DNAH7: variants seen among roughly 807,000 people sequenced by gnomAD.
DNAH7 encodes dynein axonemal heavy chain 7, also known as axonemal beta dynein heavy chain 7.
In DNAH7, 397 loss-of-function variants were observed where a neutral mutation model predicts 444.6. The observed-to-expected ratio is 0.89, with a 90% CI of 0.82 to 0.97. The LOEUF is 0.97. DNAH7 is among the 50% of genes least tolerant of loss of function. The pLI is 0.00. For synonymous variants in DNAH7, 1,636 were observed against 1,624.4 expected (o/e 1.01, Z -0.17); for missense variants, 4,902 against 4,800.8 (o/e 1.02, Z -0.62).
At chr2:195,888,219 C>G in intron 33 of DNAH7, 39 bp downstream of exon 33, 1 of 1,523,618 alleles carries the variant, frequency 6.6e-7, no homozygotes, top group Non-Finnish European at 8.9e-7. Flanking sequence ...TTTGAGTTTT[C>G]CATTTATTTT....
At chr2:196,005,589 T>C (rs2097536214) in intron 10 of DNAH7, among the ~76,000 whole-genome samples, 1 of 151,962 alleles carries the variant, frequency 6.6e-6, no homozygotes, top group Admixed American at 6.5e-5. Context: ...TACAATTGTT[T>C]GCCAACAAAT....
chr2:195,827,503 A>C (rs1280679388), intron 48 of DNAH7, among the ~76,000 whole-genome samples: 3 of 152,096 alleles, frequency 2.0e-5, no homozygotes, highest in African/African-American at 7.2e-5. Flanking sequence ...GCTGCTCTTA[A>C]ACTCCTGAGC....
intron 61 of DNAH7, among the ~76,000 whole-genome samples, chr2:195,765,904 A>G (rs899597934): frequency 2.0e-5 from 3 of 152,142 alleles, no homozygotes; most frequent in Non-Finnish European, 2.9e-5. Flanking sequence ...AAATCAGTAT[A>G]TTGAAGATAT....
chr2:195,856,843 C>A (rs1414768674), intron 44 of DNAH7, among the ~76,000 whole-genome samples: 1 of 152,050 alleles, frequency 6.6e-6, no homozygotes, highest in Non-Finnish European at 1.5e-5. Context: ...TTTTAATATA[C>A]TTTAATTAAA....
intron 12 of DNAH7, among the ~76,000 whole-genome samples, chr2:195,992,651 T>A (rs898390544): frequency 7.9e-5 from 12 of 152,230 alleles, no homozygotes; most frequent in African/African-American, 2.9e-4. Flanking sequence ...TTGTTCTTTA[T>A]CTGACTCCCT....
chr2:195,884,346 T>C (rs341948), intron 35 of DNAH7, among the ~76,000 whole-genome samples: 2,223 of 152,310 alleles, frequency 0.015, 44 homozygotes, highest in East Asian at 0.067. Context: ...CATAGTATCA[T>C]TGGAAAGAAC....
chr2:196,046,427 T>A lies in DNAH7; in HGVS notation c.398+925A>T, dbSNP rs1364538005. 2.6e-5 allele frequency among the ~76,000 whole-genome samples: 4 copies of A among 151,680 alleles called. No individual in the cohort carries two copies. The East Asian group carries it at 7.7e-4, about 29-fold the overall frequency. The stretch of plus-strand genomic sequence containing the variant: ...TATCTTTCTTGGGCAGGGCTCCAGG[T>A]AGAAAAAAAAAAATTCTTCTAAAAA... On this transcript the variant is annotated intron_variant, in intron 5 of 64. Coordinates refer to ENST00000312428, the MANE Select transcript of DNAH7 (RefSeq NM_018897.3).
chr2:195,916,289 G>T (rs977838854), intron 24 of DNAH7, among the ~76,000 whole-genome samples: 2 of 152,110 alleles, frequency 1.3e-5, no homozygotes, highest in African/African-American at 4.8e-5. Flanking sequence ...TTGAAAAATT[G>T]GACTCATAAA....
At chr2:195,962,937 T>C (rs1691208972) in intron 17 of DNAH7, among the ~76,000 whole-genome samples, 1 of 152,214 alleles carries the variant, frequency 6.6e-6, no homozygotes, top group Non-Finnish European at 1.5e-5. Flanking sequence ...TTGTTGCAAA[T>C]GACAGAATCG....
chr2:195,777,281 G>A (rs1695108111), intron 59 of DNAH7, among the ~76,000 whole-genome samples: 1 of 152,164 alleles, frequency 6.6e-6, no homozygotes, highest in South Asian at 2.1e-4. Flanking sequence ...TGTGCTGCAG[G>A]TGGGTCTGTG....
chr2:195,953,380 G>A (rs572082551), intron 19 of DNAH7, among the ~76,000 whole-genome samples: 2 of 152,294 alleles, frequency 1.3e-5, no homozygotes, highest in South Asian at 4.2e-4. Context: ...GACCCTGGCT[G>A]GGAGGTATTT....
intron 19 of DNAH7, among the ~76,000 whole-genome samples, chr2:195,941,378 G>C (rs1483247570): frequency 6.6e-6 from 1 of 150,764 alleles, no homozygotes; most frequent in Admixed American, 6.6e-5. Context: ...TCGGGGGTTG[G>C]GGGGCAAGAG....
intron 60 of DNAH7, among the ~76,000 whole-genome samples, chr2:195,772,532 G>GA (rs1016118298): frequency 6.0e-5 from 9 of 150,102 alleles, no homozygotes; most frequent in African/African-American, 1.7e-4. Context: ...TATATTTTCT[G>GA]AAAAAAAAAT....
chr2:195,799,539 A>C, intron 54 of DNAH7, 67 bp from the exon 55 acceptor site: 2 of 1,383,606 alleles, frequency 1.4e-6, no homozygotes, highest in South Asian at 3.9e-5. Context: ...AAAAATTTAG[A>C]TTCAAAGGAG....
chr2:196,034,636 T>G (rs1411572204), intron 5 of DNAH7, among the ~76,000 whole-genome samples: 1 of 152,158 alleles, frequency 6.6e-6, no homozygotes, highest in Non-Finnish European at 1.5e-5. Flanking sequence ...AAACTTACTA[T>G]GAAGCTAAAG....
Position 195,876,694 on chromosome 2 carries a change from A to G in DNAH7, c.5967T>C (p.Phe1989=), listed in dbSNP as rs533004194. The change falls in exon 37 of 65, where the codon TTT becomes TTC. Residue 1989 remains phenylalanine (F), a synonymous_variant. Transcript: ENST00000312428. ...GTGKSVYITN[F]LLNQLNKEIY... ...TTTCCTTATTTAGTTGATTTAAAAG[A>G]AAATTCTATATAACAAAATAATAAA... 16 of 1,561,214 alleles carry G rather than the reference A, an allele frequency of 1.0e-5. No individual in the cohort carries two copies. In the South Asian group the frequency reaches 1.8e-4, roughly 18 times the overall value.
At chr2:195,943,448 G>A (rs566221199) in intron 19 of DNAH7, among the ~76,000 whole-genome samples, 2 of 152,208 alleles carry the variant, frequency 1.3e-5, no homozygotes, top group East Asian at 3.9e-4. Flanking sequence ...GACAGTATTG[G>A]CAGAAACTTG....
At chr2:195,747,492 G>A (rs1479981092) in intron 63 of DNAH7, among the ~76,000 whole-genome samples, 1 of 152,154 alleles carries the variant, frequency 6.6e-6, no homozygotes, top group Non-Finnish European at 1.5e-5. Flanking sequence ...ATTTTATGAG[G>A]CCAGCATCAT....
At chr2:195,862,095 C>A in intron 41 of DNAH7, 149 bp from the exon 42 acceptor site, 1 of 652,874 alleles carries the variant, frequency 1.5e-6, no homozygotes, top group Non-Finnish European at 2.6e-6. Context: ...AAGAAACTTT[C>A]CCGAGGACTT....
Sources: allele counts gnomAD v4.1 joint callset (sites outside exome capture counted in the v4.1 genomes callset), GRCh38; gene constraint gnomAD v4.1.1; transcripts MANE v1.5; gene names NCBI Gene and HGNC (gene_info 2026-07-23, HGNC 2026-07-21).